Variants in KXD1 observed in about 807,000 individuals in gnomAD.
KXD1 encodes KxDL motif containing 1.
Under a neutral mutation model 12.1 loss-of-function variants are expected in KXD1, and 5 were observed. That is an observed-to-expected ratio of 0.41 (90% CI 0.22 to 0.87). KXD1 has a LOEUF of 0.87. Among genes scored for constraint, KXD1 ranks in the 40% least tolerant of loss-of-function variants. The pLI is 0.31. For synonymous variants in KXD1, 98 were observed against 100.5 expected (o/e 0.98, Z 0.15); for missense variants, 193 against 244.9 (o/e 0.79, Z 1.41).
At chr19:18,566,390 C>T (rs1421412129) in intron 3 of KXD1, among the ~76,000 whole-genome samples, 1 of 76,454 alleles carries the variant, frequency 1.3e-5, no homozygotes, top group Non-Finnish European at 2.6e-5. Flanking sequence ...ATGGCATGAA[C>T]CCAGGAGGTG....
At chr19:18,563,472 A>T (rs1032351199) in intron 2 of KXD1, among the ~76,000 whole-genome samples, 1 of 151,250 alleles carries the variant, frequency 6.6e-6, no homozygotes, top group Non-Finnish European at 1.5e-5. Context: ...CAGCCTCCTG[A>T]GTCGCTGGGA....
At position 18,568,541 on chromosome 19, in the gene KXD1, C is replaced by T. The variant is rs11086117; in HGVS notation, c.441C>T (p.Pro147=). The T allele has an allele frequency of 0.049, 79,243 of 1,613,874 alleles. 7,900 individuals carry two copies. Among genetic ancestry groups the T allele is most frequent in the African/African-American group, 0.43 (32,069 of 74,936 alleles). Residue 147 remains proline, a synonymous_variant, in exon 5 of 5, where the codon CCC becomes CCT. Transcript: ENST00000222307. ...ACACCGTCTCGCCCTCCCTGAGCCC[C>T]GGCTTCGAGGACCTGTCCCATGTCC... ...SPDTVSPSLS[P]GFEDLSHVQP...
rs750764176 is a variant in KXD1, at chr19:18,567,107, C to T, written c.255-25C>T. ...AGCCTACCTGCTCAGCAGGTTAAGCCCTGTGTGCCTTCTCTCCCCTGCAGG... is the reference window on the plus strand; with the variant it reads ...AGCCTACCTGCTCAGCAGGTTAAGCTCTGTGTGCCTTCTCTCCCCTGCAGG... On this transcript the variant is annotated intron_variant, in intron 3 of 4. Transcript: ENST00000222307. The T allele has an allele frequency of 6.4e-5, 103 of 1,613,192 alleles. 3 individuals carry two copies. In the Middle Eastern group the frequency reaches 1.2e-3, roughly 18 times the overall value.
At chr19:18,561,112 G>T (rs1023243071) in intron 1 of KXD1, among the ~76,000 whole-genome samples, 1 of 152,058 alleles carries the variant, frequency 6.6e-6, no homozygotes, top group Non-Finnish European at 1.5e-5. Flanking sequence ...TTAAATCAAG[G>T]TAAAGGGTGG....
chr19:18,559,971 C>CTCTG (rs1974861549), intron 1 of KXD1: 1 of 143,550 alleles, frequency 7.0e-6, no homozygotes, highest in Non-Finnish European at 1.5e-5. Context: ...CTCTCTCTTT[C>CTCTG]TCTCTCTCCC....
chr19:18,559,279 G>T (rs1410867318), intron 1 of KXD1: 1 of 152,038 alleles, frequency 6.6e-6, no homozygotes, highest in African/African-American at 2.4e-5. Flanking sequence ...ATGAGCACCC[G>T]GTCCAGGTAT....
At chr19:18,567,871 C>A (rs1194273069) in intron 4 of KXD1, among the ~76,000 whole-genome samples, 1 of 152,198 alleles carries the variant, frequency 6.6e-6, no homozygotes, top group Non-Finnish European at 1.5e-5. Flanking sequence ...GCCCTCAGGG[C>A]TCCTGTAGGC....
intron 1 of KXD1, 24 bp from the exon 2 acceptor site, chr19:18,562,010 GAC>G: frequency 6.6e-7 from 1 of 1,525,874 alleles, no homozygotes; most frequent in Non-Finnish European, 9.0e-7. Context: ...GACTAGTGCA[GAC>G]CACTCTGTTC....
Position 18,568,930 on chromosome 19 carries a change from T to C in KXD1, c.*299T>C. 2.3e-6 allele frequency: 1 copy of C among 433,452 alleles called. No homozygotes were observed. The highest frequency in any genetic ancestry group is 4.2e-6 in the Non-Finnish European group (1 of 237,046). 26.9% of individuals were successfully genotyped at this position (433,452 alleles called of 1,614,324 possible). A position where few individuals can be genotyped will look rare whatever the true frequency, so the allele number is the denominator to read the frequency against. On this transcript the variant is annotated 3_prime_UTR_variant, in exon 5 of 5. Transcript: ENST00000222307. ...AGGGGAATTTTTCCAGAGCTGAGCC[T>C]GACGTCTGCTCTGAAGAATGCTTAG...
In KXD1 at chr19:18,565,235, T is replaced by G. The variant is rs1975153505; in HGVS notation, c.254+214T>G. ...GATTAATTGATCGAGACAGAGTTTT[T>G]TTTTTTTTTTTGGAGACGGAGTCTC... On this transcript the variant is annotated intron_variant, in intron 3 of 4. Coordinates refer to ENST00000222307, the MANE Select transcript of KXD1 (RefSeq NM_024069.4). 4 of 1,334,412 alleles carry G rather than the reference T, an allele frequency of 3.0e-6. No individual in the cohort carries two copies. The East Asian group carries it at 8.0e-5, about 27-fold the overall frequency. The allele number at this position is 1,334,412 out of a possible 1,614,324, so 82.7% of individuals were successfully genotyped here. A position where few individuals can be genotyped will look rare whatever the true frequency, so the allele number is the denominator to read the frequency against.
chr19:18,565,330 C>T (rs772894665), intron 3 of KXD1: 10 of 502,892 alleles, frequency 2.0e-5, no homozygotes, highest in East Asian at 1.0e-4. Flanking sequence ...CCCGGGCTCA[C>T]GCCATTCTCC....
intron 4 of KXD1, 37 bp downstream of exon 4, chr19:18,567,215 C>G: frequency 6.2e-7 from 1 of 1,607,504 alleles, no homozygotes; most frequent in Non-Finnish European, 8.5e-7. Flanking sequence ...CCGAGCACGT[C>G]AGCACTCTCC....
At chr19:18,565,143 C>A (rs556319645) in intron 3 of KXD1, 122 bp downstream of exon 3, 46 of 1,495,440 alleles carry the variant, frequency 3.1e-5, no homozygotes, top group Non-Finnish European at 3.8e-5. Context: ...GGCTTCACTG[C>A]GCACTTAAGT....
intron 2 of KXD1, among the ~76,000 whole-genome samples, chr19:18,564,515 C>T (rs538798488): frequency 6.6e-6 from 1 of 152,060 alleles, no homozygotes. Context: ...CAGCTATACT[C>T]GGGAGGCTGA....
chr19:18,562,250 G>A lies in KXD1; in HGVS notation c.101+93G>A, dbSNP rs1200320073. On this transcript the variant is annotated intron_variant, in intron 2 of 4. Transcript: ENST00000222307. ...CCGCCCCTACCCGGGGCCCACACTG[G>A]TGATAAAATGAAGGAAATGAGCAAA... is the stretch of plus-strand genomic sequence containing the variant. 7 of 901,602 alleles carry A rather than the reference G, an allele frequency of 7.8e-6. No individual in the cohort carries two copies. The African/African-American group carries it at 1.2e-4, about 16-fold the overall frequency. 55.9% of individuals were successfully genotyped at this position (901,602 alleles called of 1,614,324 possible).
intron 1 of KXD1, chr19:18,558,746 T>C (rs984571798): frequency 3.9e-5 from 6 of 152,174 alleles, no homozygotes; most frequent in South Asian, 2.1e-4. Context: ...ATCAGAGCTC[T>C]TGCTGGGTCA....
chr19:18,567,275 A>T (rs771472087), intron 4 of KXD1, 97 bp downstream of exon 4: 2 of 1,261,438 alleles, frequency 1.6e-6, no homozygotes, highest in Non-Finnish European at 2.3e-6. Flanking sequence ...TACTGAGACC[A>T]GGCTGTAATG....
intron 4 of KXD1, chr19:18,567,403 C>A (rs1056610419): frequency 2.3e-5 from 15 of 657,804 alleles, no homozygotes; most frequent in Non-Finnish European, 4.1e-5. Context: ...GGAGGCCGCA[C>A]AGGAGAATGT....
chr19:18,564,481 CATG>C (rs1467091460), intron 2 of KXD1, among the ~76,000 whole-genome samples: 1 of 152,056 alleles, frequency 6.6e-6, no homozygotes, highest in East Asian at 1.9e-4. Flanking sequence ...ATTAGCCAGG[CATG>C]GTGGCGGACG....
Sources: allele counts gnomAD v4.1 joint callset (sites outside exome capture counted in the v4.1 genomes callset), GRCh38; gene constraint gnomAD v4.1.1; transcripts MANE v1.5; gene names NCBI Gene and HGNC (gene_info 2026-07-23, HGNC 2026-07-21).